Variants in PTH2R observed in about 807,000 individuals in gnomAD.
The protein encoded by PTH2R is parathyroid hormone 2 receptor.
Under a neutral mutation model 60.3 loss-of-function variants are expected in PTH2R, and 59 were observed. The ratio of observed to expected loss-of-function variants is 0.98; its 90% CI spans 0.79 to 1.22. The LOEUF is 1.22. Among genes scored for constraint, PTH2R ranks in the 50% most tolerant of loss-of-function variants. The pLI is 0.00. For missense variants in PTH2R, 749 were observed against 682.6 expected, an observed-to-expected ratio of 1.10 and a Z score of -1.08; for synonymous variants, 256 against 243.8, an observed-to-expected ratio of 1.05 and a Z score of -0.47.
In PTH2R at chr2:208,443,349, C is replaced by T. The variant is rs149710383; in HGVS notation, c.511C>T (p.Arg171Ter). The part of the protein sequence containing the change: ...VAILIIGYFR[R>*]LHCTRNYIHM... ...AATACTGAATATTTCTCTCCGTAGACGATTGCATTGCACTAGGAACTATAT... is the reference window on the plus strand; with the variant it reads ...AATACTGAATATTTCTCTCCGTAGATGATTGCATTGCACTAGGAACTATAT... The change falls in exon 6 of 13, where the codon CGA (arginine) becomes TGA (stop). Residue 171 changes from arginine (R) to a stop codon, truncating the protein, a stop_gained and splice_region_variant. Coordinates refer to ENST00000272847, the MANE Select transcript of PTH2R (RefSeq NM_005048.4). LOFTEE classifies it high-confidence loss of function. 151 of 1,548,808 alleles carry T rather than the reference C, an allele frequency of 9.7e-5. No individual in the cohort carries two copies. The highest frequency in any genetic ancestry group is 3.5e-4 in the Middle Eastern group (2 of 5,780).
rs780203101 is a variant in PTH2R, at chr2:208,428,243, C to A, written c.118C>A (p.Leu40Ile). Residue 40 changes from leucine to isoleucine, a missense_variant, in exon 2 of 13, where the codon CTT becomes ATT. By Grantham distance (5) the Leu-to-Ile change is conservative. Transcript: ENST00000272847. ...GTITIEEQIV[L>I]VLKAKVQCEL... ...CATTACTATAGAGGAGCAGATTGTC[C>A]TTGTGCTGAAAGCGAAAGTACAATG... 1 of 1,613,566 alleles carries A rather than the reference C, an allele frequency of 6.2e-7. No homozygotes were observed. Among genetic ancestry groups the A allele is most frequent in the South Asian group, 1.1e-5 (1 of 90,888 alleles).
chr2:208,442,979 A>T (rs1702216819), intron 5 of PTH2R, among the ~76,000 whole-genome samples: 1 of 152,190 alleles, frequency 6.6e-6, no homozygotes, highest in Admixed American at 6.5e-5. Flanking sequence ...CAGACTGTGG[A>T]TGGAAAATAC....
At chr2:208,471,543 A>G (rs1427027087) in intron 9 of PTH2R, among the ~76,000 whole-genome samples, 1 of 152,258 alleles carries the variant, frequency 6.6e-6, no homozygotes, top group African/African-American at 2.4e-5. Flanking sequence ...AGTATACAGA[A>G]GTCAAAAATT....
intron 9 of PTH2R, among the ~76,000 whole-genome samples, chr2:208,478,884 T>A (rs1243981856): frequency 6.6e-6 from 1 of 152,180 alleles, no homozygotes; most frequent in Admixed American, 6.5e-5. Context: ...GACAAGAAAA[T>A]GCCTGTCTCA....
intron 1 of PTH2R, among the ~76,000 whole-genome samples, chr2:208,370,049 A>G (rs1234010000): frequency 1.3e-5 from 2 of 152,128 alleles, no homozygotes; most frequent in South Asian, 2.1e-4. Flanking sequence ...TGTCCTAGAT[A>G]TGCTGACTGC....
chr2:208,459,998 A>G, intron 9 of PTH2R, 37 bp downstream of exon 9: 4 of 1,564,146 alleles, frequency 2.6e-6, no homozygotes, highest in Non-Finnish European at 2.6e-6. Context: ...AAAAGGGATG[A>G]AAAATTAACC....
intron 1 of PTH2R, among the ~76,000 whole-genome samples, chr2:208,395,435 G>A (rs946414768): frequency 1.3e-5 from 2 of 152,162 alleles, no homozygotes; most frequent in African/African-American, 2.4e-5. Flanking sequence ...TTTCCACTAG[G>A]TGGTGGTGTT....
chr2:208,435,201 C>T (rs1272736585), intron 2 of PTH2R, among the ~76,000 whole-genome samples: 2 of 152,134 alleles, frequency 1.3e-5, no homozygotes, highest in Non-Finnish European at 2.9e-5. Flanking sequence ...ACAAAATGAA[C>T]ATTAGCCAGA....
intron 2 of PTH2R, among the ~76,000 whole-genome samples, chr2:208,435,626 G>A (rs563764430): frequency 1.2e-4 from 18 of 152,340 alleles, no homozygotes; most frequent in African/African-American, 4.3e-4. Flanking sequence ...GCTGACAGCT[G>A]TCAGCAAAGA....
At chr2:208,469,256 C>T (rs1702827054) in intron 9 of PTH2R, among the ~76,000 whole-genome samples, 1 of 152,136 alleles carries the variant, frequency 6.6e-6, no homozygotes, top group Non-Finnish European at 1.5e-5. Flanking sequence ...TTTAGTCATG[C>T]ATTACATGTG....
At chr2:208,423,180 A>T (rs1701791009) in intron 1 of PTH2R, among the ~76,000 whole-genome samples, 2 of 151,674 alleles carry the variant, frequency 1.3e-5, no homozygotes, top group African/African-American at 2.4e-5. Context: ...GTGGGAGATT[A>T]TATTACTGAT....
chr2:208,438,014 A>T lies in PTH2R; in HGVS notation c.411+133A>T, dbSNP rs938721968. 11 of 1,217,240 alleles carry T rather than the reference A, an allele frequency of 9.0e-6. No homozygotes were observed. The African/African-American group carries it at 1.7e-4, about 19-fold the overall frequency. The allele number at this position is 1,217,240 out of a possible 1,614,324, so 75.4% of individuals were successfully genotyped here. On this transcript the variant is annotated intron_variant, in intron 4 of 12. Coordinates refer to ENST00000272847, the MANE Select transcript of PTH2R (RefSeq NM_005048.4). ...ACAAGGATCATAAAAGATAAAAGCA[A>T]TGTTGCAATCTTTTCAGATGCATAT... is the stretch of plus-strand genomic sequence containing the variant.
At chr2:208,491,551 T>C (rs1703403890) in intron 12 of PTH2R, among the ~76,000 whole-genome samples, 2 of 152,114 alleles carry the variant, frequency 1.3e-5, no homozygotes, top group Admixed American at 1.3e-4. Flanking sequence ...GGGTTCAGGG[T>C]GGGAGAGCTT....
chr2:208,449,460 T>C (rs568143898), intron 7 of PTH2R, among the ~76,000 whole-genome samples: 2 of 151,850 alleles, frequency 1.3e-5, no homozygotes, highest in African/African-American at 4.8e-5. Context: ...GATAAATAGA[T>C]AGATAGATAG....
At chr2:208,431,453 TA>T (rs1313274493) in intron 2 of PTH2R, among the ~76,000 whole-genome samples, 1 of 152,250 alleles carries the variant, frequency 6.6e-6, no homozygotes, top group Non-Finnish European at 1.5e-5. Context: ...GGTTCTTGTT[TA>T]AAGAACATTT....
chr2:208,412,910 A>G (rs990134575), intron 1 of PTH2R, among the ~76,000 whole-genome samples: 3 of 152,142 alleles, frequency 2.0e-5, no homozygotes, highest in African/African-American at 7.2e-5. Context: ...CATAAATGAA[A>G]TTTTATATAT....
chr2:208,376,764 C>T (rs1700799298), intron 1 of PTH2R, among the ~76,000 whole-genome samples: 1 of 152,006 alleles, frequency 6.6e-6, no homozygotes, highest in Non-Finnish European at 1.5e-5. Flanking sequence ...TATATGTGGG[C>T]TCTATTCTCT....
At chr2:208,396,069 C>A (rs561902476) in intron 1 of PTH2R, among the ~76,000 whole-genome samples, 1 of 152,146 alleles carries the variant, frequency 6.6e-6, no homozygotes, top group Non-Finnish European at 1.5e-5. Context: ...GAAAGGATTC[C>A]CTGTTTAATA....
chr2:208,374,607 A>T (rs1163337625), intron 1 of PTH2R, among the ~76,000 whole-genome samples: 1 of 151,996 alleles, frequency 6.6e-6, no homozygotes, highest in Non-Finnish European at 1.5e-5. Flanking sequence ...GGTTCAAGCG[A>T]TTCTCCTGCC....
Sources: allele counts gnomAD v4.1 joint callset (sites outside exome capture counted in the v4.1 genomes callset), GRCh38; gene constraint gnomAD v4.1.1; transcripts MANE v1.5; gene names NCBI Gene and HGNC (gene_info 2026-07-23, HGNC 2026-07-21).